The following UBAP2 variants were observed in gnomAD, a reference collection of about 807,000 sequenced individuals.
UBAP2 encodes ubiquitin-associated protein 2.
UBAP2 carries 75 observed loss-of-function variants against 139.6 expected under a neutral mutation model. The observed-to-expected ratio is 0.54, with a 90% CI of 0.45 to 0.65. The LOEUF is 0.65. UBAP2 is among the 30% of genes least tolerant of loss of function. The probability of loss-of-function intolerance (pLI) is 0.00; values close to 1 mark genes in which losing one functional copy is unlikely to be tolerated. For synonymous variants in UBAP2, 526 were observed against 526.2 expected, an observed-to-expected ratio of 1.00 and a Z score of 0.01; for missense variants, 1,368 against 1,369.6, an observed-to-expected ratio of 1.00 and a Z score of 0.02.
At position 33,971,734 on chromosome 9, in the gene UBAP2, T is replaced by C; in HGVS notation, c.596A>G (p.Tyr199Cys). The C allele has an allele frequency of 6.2e-7, 1 of 1,608,836 alleles. No homozygotes were observed. Among genetic ancestry groups the C allele is most frequent in the Non-Finnish European group, 8.5e-7 (1 of 1,175,214 alleles). ...CACATCTGTAGATGTAGAATCTGAA[T>C]AGTCTGCAGGATTAAATGTCCTGGG... ...QGMGTFNPAD[Y>C]SDSTSTDVCG... The change falls in exon 8 of 29, where the codon TAT (tyrosine) becomes TGT (cysteine). Residue 199 changes from tyrosine to cysteine, a missense_variant. Tyr to Cys is a radical substitution (Grantham distance 194). Transcript: ENST00000379238.
In UBAP2 at chr9:33,988,996, C is replaced by G. The variant is rs112150520; in HGVS notation, c.419G>C (p.Arg140Thr). The change falls in exon 5 of 29, where the codon AGA (arginine) becomes ACA (threonine). Residue 140 changes from arginine to threonine, a missense_variant. Coordinates refer to ENST00000379238, the MANE Select transcript of UBAP2 (RefSeq NM_001370062.2). ...ACATTCTCTGCCACGATTGCCGCCT[C>G]TTCCTTTCCGGTTGTTGTTTCCACG... ...RGRGNNNRKG[R>T]GGNRGREFRG... The G allele has an allele frequency of 1.2e-4, 197 of 1,613,708 alleles. No homozygotes were observed. The highest frequency in any genetic ancestry group is 3.3e-4 in the Middle Eastern group (2 of 6,062).
intron 3 of UBAP2, chr9:33,998,524 A>G (rs1193848679): frequency 5.9e-6 from 2 of 341,768 alleles, no homozygotes; most frequent in Admixed American, 4.7e-5. Context: ...GTGTGCTTAC[A>G]GAAATGTCTG....
At chr9:34,033,330 G>C (rs1016708328) in intron 1 of UBAP2, among the ~76,000 whole-genome samples, 1 of 152,082 alleles carries the variant, frequency 6.6e-6, no homozygotes, top group Non-Finnish European at 1.5e-5. Flanking sequence ...TAGAACCGGA[G>C]ATCATTATGT....
intron 5 of UBAP2, among the ~76,000 whole-genome samples, chr9:33,987,236 C>A (rs1190593702): frequency 1.3e-5 from 2 of 151,974 alleles, no homozygotes; most frequent in Non-Finnish European, 2.9e-5. Context: ...CACACGGAAA[C>A]CCTGTCTCTA....
At chr9:33,927,257 G>A (rs1040883105) in intron 20 of UBAP2, among the ~76,000 whole-genome samples, 177 bp from the exon 21 acceptor site, 11 of 152,104 alleles carry the variant, frequency 7.2e-5, no homozygotes, top group Non-Finnish European at 1.5e-4. Flanking sequence ...CAGAAAGCCC[G>A]GCCACCACAC....
chr9:33,997,698 T>C (rs775146242), intron 3 of UBAP2: 7 of 152,234 alleles, frequency 4.6e-5, no homozygotes, highest in Non-Finnish European at 5.9e-5. Context: ...GATCAGATTA[T>C]TGACAGACAG....
chr9:34,010,808 C>T (rs1205567108), intron 2 of UBAP2, among the ~76,000 whole-genome samples: 1 of 152,094 alleles, frequency 6.6e-6, no homozygotes, highest in Non-Finnish European at 1.5e-5. Flanking sequence ...TGGCTATCCA[C>T]TCACTGCACA....
chr9:34,042,838 T>C (rs1198030920), intron 1 of UBAP2, among the ~76,000 whole-genome samples: 1 of 151,176 alleles, frequency 6.6e-6, no homozygotes, highest in African/African-American at 2.4e-5. Context: ...AGCACTTTAG[T>C]AGGCCAAGGC....
chr9:33,948,342 T>C (rs1423209168), intron 13 of UBAP2, 32 bp downstream of exon 13: 3 of 1,547,888 alleles, frequency 1.9e-6, no homozygotes, highest in South Asian at 1.2e-5. Context: ...ACGTCCTCAG[T>C]AGGGGCAAAC....
intron 13 of UBAP2, 140 bp from the exon 14 acceptor site, chr9:33,944,779 C>A: frequency 3.1e-5 from 30 of 957,288 alleles, no homozygotes; most frequent in Non-Finnish European, 4.4e-5. Flanking sequence ...CTATGTGTAA[C>A]ACTTCATTTA....
At chr9:34,028,095 A>C (rs895086434) in intron 1 of UBAP2, among the ~76,000 whole-genome samples, 5 of 151,852 alleles carry the variant, frequency 3.3e-5, no homozygotes, top group Non-Finnish European at 5.9e-5. Flanking sequence ...TCAGGCCTCT[A>C]GCAGCTGATG....
chr9:33,980,220 C>CTTTTTT (rs1173781682), intron 6 of UBAP2, among the ~76,000 whole-genome samples: 598 of 49,160 alleles, frequency 0.012, 159 homozygotes, highest in East Asian at 0.025. Context: ...AGTGTCATTT[C>CTTTTTT]TTTTTTTTTT....
chr9:33,998,918 T>C, intron 2 of UBAP2, 54 bp from the exon 3 acceptor site: 1 of 1,490,414 alleles, frequency 6.7e-7, no homozygotes, highest in Non-Finnish European at 9.2e-7. Context: ...ATAAGTTAGA[T>C]TCCAAAATCT....
chr9:33,991,060 A>C (rs543605090), intron 4 of UBAP2, among the ~76,000 whole-genome samples: 42 of 152,220 alleles, frequency 2.8e-4, no homozygotes, highest in African/African-American at 9.4e-4. Context: ...CAAAGCAGGA[A>C]GATCACTTGA....
chr9:34,018,327 G>GT (rs1407454005), intron 1 of UBAP2, among the ~76,000 whole-genome samples: 62 of 149,708 alleles, frequency 4.1e-4, no homozygotes, highest in African/African-American at 1.3e-3. Context: ...CACTATAATT[G>GT]TTTTTTTGTT....
intron 2 of UBAP2, among the ~76,000 whole-genome samples, chr9:34,001,935 T>C (rs1822739576): frequency 1.3e-5 from 2 of 151,550 alleles, no homozygotes; most frequent in Non-Finnish European, 2.9e-5. Context: ...ACCAAAACTA[T>C]TTATGTATTT....
chr9:33,933,916 C>A, intron 17 of UBAP2: 1 of 296,392 alleles, frequency 3.4e-6, no homozygotes, highest in Non-Finnish European at 6.6e-6. Flanking sequence ...ACTTTTCACA[C>A]CTAAAGGAAC....
intron 12 of UBAP2, among the ~76,000 whole-genome samples, chr9:33,952,219 A>C (rs1826159416): frequency 6.6e-6 from 1 of 152,182 alleles, no homozygotes; most frequent in Admixed American, 6.5e-5. Flanking sequence ...GCATCCATAG[A>C]CCTTTCTAAC....
At chr9:34,028,114 T>TGAACTCCCC (rs2131318795) in intron 1 of UBAP2, among the ~76,000 whole-genome samples, 1 of 151,930 alleles carries the variant, frequency 6.6e-6, no homozygotes, top group East Asian at 1.9e-4. Context: ...TGGACAAGGT[T>TGAACTCCCC]GAACTCCCCT....
Sources: gnomAD v4.1 joint callset for allele counts (sites outside exome capture counted in the v4.1 genomes callset) on GRCh38, gnomAD v4.1.1 for gene constraint, MANE v1.5 for transcripts, NCBI Gene and HGNC (gene_info 2026-07-23, HGNC 2026-07-21) for gene names.